The following PHRF1 variants were observed in gnomAD, a reference collection of about 807,000 sequenced individuals.
The protein encoded by PHRF1 is PHD and ring finger domains 1, also known as PHD and RING finger domain-containing protein 1.
In PHRF1, 53 loss-of-function variants were observed where a neutral mutation model predicts 128.9. That is an observed-to-expected ratio of 0.41 (90% CI 0.33 to 0.52). The LOEUF is 0.52. Ranked by LOEUF, PHRF1 falls within the 20% of genes least tolerant of loss-of-function variation. PHRF1 has a pLI of 0.21. For missense variants in PHRF1, 2,503 were observed against 2,284.5 expected (o/e 1.10, Z -1.95); for synonymous variants, 1,178 against 980.6 (o/e 1.20, Z -3.76).
At position 610,635 on chromosome 11, in the gene PHRF1, C is replaced by G. The variant is rs774430101; in HGVS notation, c.4551C>G (p.Thr1517=). ...LPLVGCGAAQ[T]LAPVPAALTP... is the part of the protein sequence containing the mutation. Reference sequence around the variant, plus strand: ...TAGTGGGCTGTGGGGCAGCACAGACCCTGGCCCCAGTGCCCGCTGCCCTGA... The same window carrying G: ...TAGTGGGCTGTGGGGCAGCACAGACGCTGGCCCCAGTGCCCGCTGCCCTGA... Residue 1517 remains threonine, a synonymous_variant, in exon 16 of 18, where the codon ACC becomes ACG. Coordinates refer to ENST00000264555, the MANE Select transcript of PHRF1 (RefSeq NM_001286581.2). 21 of 1,605,340 alleles carry G rather than the reference C, an allele frequency of 1.3e-5. No homozygotes were observed. In the African/African-American group the frequency reaches 2.8e-4, roughly 21 times the overall value.
At position 608,711 on chromosome 11, in the gene PHRF1, C is replaced by G. The variant is rs1350388567; in HGVS notation, c.3255C>G (p.Ser1085Arg). 1 of 1,610,344 alleles carries G rather than the reference C, an allele frequency of 6.2e-7. No individual in the cohort carries two copies. The highest frequency in any genetic ancestry group is 2.2e-5 in the East Asian group (1 of 44,806). ...REHRRGPWGH[S>R]RRTSRSRSGS... ...ACAGGCGGGGCCCCTGGGGCCACAG[C>G]CGGAGGACGTCCCGGTCGCGGTCGG... The change falls in exon 14 of 18, where the codon AGC becomes AGG. Residue 1085 changes from serine (S) to arginine (R), a missense_variant. Transcript: ENST00000264555.
intron 2 of PHRF1, among the ~76,000 whole-genome samples, 168 bp downstream of exon 2, chr11:581,774 A>G (rs1438407807): frequency 6.6e-6 from 1 of 152,258 alleles, no homozygotes; most frequent in Non-Finnish European, 1.5e-5. Context: ...TTTTTAATGC[A>G]AACAACACAA....
chr11:584,822 C>T lies in PHRF1; in HGVS notation c.215-2437C>T, dbSNP rs193201055. 1.7e-4 allele frequency among the ~76,000 whole-genome samples: 25 copies of T among 148,450 alleles called. No homozygotes were observed. In the Admixed American group the frequency reaches 1.7e-3, roughly 10 times the overall value. On this transcript the variant is annotated intron_variant, in intron 3 of 17. Transcript: ENST00000264555. ...GCGCAATCTCGGCTCACTGCAGCCT[C>T]TGCCTCCCGGGTTCAAGCGATTCTC...
At position 605,336 on chromosome 11, in the gene PHRF1, G is replaced by A. The variant is rs762565784; in HGVS notation, c.1334+36G>A. 15 of 1,602,640 alleles carry A rather than the reference G, an allele frequency of 9.4e-6. No individual in the cohort carries two copies. In the Admixed American group the frequency reaches 1.3e-4, roughly 14 times the overall value. Reference sequence around the variant, plus strand: ...TGGTGATGGTCCTGCCTGGGCACCCGCTCCTCTCCCTGGGGGCTGTGGGCA... The same window carrying A: ...TGGTGATGGTCCTGCCTGGGCACCCACTCCTCTCCCTGGGGGCTGTGGGCA... On this transcript the variant is annotated intron_variant, in intron 11 of 17. Coordinates refer to ENST00000264555, the MANE Select transcript of PHRF1 (RefSeq NM_001286581.2).
At chr11:603,929 C>G (rs1037466252) in intron 10 of PHRF1, among the ~76,000 whole-genome samples, 5 of 151,718 alleles carry the variant, frequency 3.3e-5, no homozygotes, top group Non-Finnish European at 7.4e-5. Context: ...TCTTGAACTC[C>G]CGACCTCAAG....
intron 6 of PHRF1, among the ~76,000 whole-genome samples, chr11:595,246 C>T (rs2132972018): frequency 6.6e-6 from 1 of 152,304 alleles, no homozygotes; most frequent in African/African-American, 2.4e-5. Context: ...TACCTTGAAC[C>T]TGGGAGGCGG....
intron 3 of PHRF1, among the ~76,000 whole-genome samples, chr11:583,116 G>T (rs922329440): frequency 6.6e-6 from 1 of 151,690 alleles, no homozygotes; most frequent in Non-Finnish European, 1.5e-5. Flanking sequence ...CGAGGCGGGC[G>T]GATCAGGAGG....
chr11:581,648 C>T, intron 2 of PHRF1, 42 bp downstream of exon 2: 1 of 1,553,154 alleles, frequency 6.4e-7, no homozygotes, highest in Non-Finnish European at 8.8e-7. Flanking sequence ...CCAGGAGGAG[C>T]AGGGTGCCTG....
intron 16 of PHRF1, 74 bp from the exon 17 acceptor site, chr11:610,880 C>T (rs1028324441): frequency 6.3e-7 from 1 of 1,591,016 alleles, no homozygotes. Context: ...CAAGGGTGTC[C>T]AGAACCACAG....
At chr11:606,660 G>A (rs1411009685) in intron 13 of PHRF1, 64 bp downstream of exon 13, 3 of 1,519,560 alleles carry the variant, frequency 2.0e-6, no homozygotes, top group East Asian at 2.3e-5. Context: ...CTGTTCGCAA[G>A]CACTCAGCCC....
rs768792432 is a variant in PHRF1, at chr11:608,212, G to C, written c.2756G>C (p.Arg919Pro). The C allele has an allele frequency of 6.2e-7, 1 of 1,609,466 alleles. No homozygotes were observed. Among genetic ancestry groups the C allele is most frequent in the South Asian group, 1.1e-5 (1 of 91,072 alleles). Reference protein sequence around the residue: ...VAAEGASDTEREEPTESQGLA... With the variant: ...VAAEGASDTEPEEPTESQGLA... ...GCCGAGGGGGCCTCTGACACGGAGC[G>C]AGAGGAGCCCACAGAGAGCCAGGGC... The change falls in exon 14 of 18, where the codon CGA (arginine) becomes CCA (proline). Residue 919 changes from arginine to proline, a missense_variant. Arg to Pro is a moderately radical substitution (Grantham distance 103). Transcript: ENST00000264555.
intron 6 of PHRF1, among the ~76,000 whole-genome samples, chr11:596,126 G>T (rs1034963627): frequency 3.9e-5 from 6 of 152,114 alleles, no homozygotes; most frequent in Non-Finnish European, 8.8e-5. Flanking sequence ...TTGAATTCAG[G>T]CTCAATTTTC....
At chr11:588,705 AT>A (rs1483837498) in intron 4 of PHRF1, among the ~76,000 whole-genome samples, 1 of 150,812 alleles carries the variant, frequency 6.6e-6, no homozygotes, top group African/African-American at 2.4e-5. Context: ...TTTTTTGTAG[AT>A]TTTTCTTTTG....
intron 3 of PHRF1, among the ~76,000 whole-genome samples, chr11:582,507 T>C (rs1854265987): frequency 6.6e-6 from 1 of 151,982 alleles, no homozygotes; most frequent in South Asian, 2.1e-4. Flanking sequence ...AGTGAGCCGC[T>C]GTGCCTGGCC....
chr11:601,789 C>G (rs772374276), intron 10 of PHRF1, 88 bp downstream of exon 10: 7 of 1,539,460 alleles, frequency 4.5e-6, no homozygotes, highest in African/African-American at 2.8e-5. Flanking sequence ...TCCCGCTGGC[C>G]TTGGCACCCT....
At chr11:580,730 G>A (rs1763374988) in intron 1 of PHRF1, among the ~76,000 whole-genome samples, 1 of 152,122 alleles carries the variant, frequency 6.6e-6, no homozygotes, top group South Asian at 2.1e-4. Context: ...CTCTTATTGC[G>A]CAGGCTGGAG....
In PHRF1 at chr11:609,480, C is replaced by A; in HGVS notation, c.4024C>A (p.Gln1342Lys). 6.2e-7 allele frequency: 1 copy of A among 1,605,226 alleles called. No individual in the cohort carries two copies. Among genetic ancestry groups the A allele is most frequent in the East Asian group, 2.2e-5 (1 of 44,832 alleles). The change falls in exon 14 of 18, where the codon CAG becomes AAG. Residue 1342 changes from glutamine (Q) to lysine (K), a missense_variant. Transcript: ENST00000264555. ...SQPPPLPEGT[Q>K]EPHLLRPDAA... The stretch of plus-strand genomic sequence containing the variant: ...GCCCCCACCCCTGCCAGAGGGCACC[C>A]AGGAGCCACATTTGCTCAGGCCGGA...
At chr11:605,972 T>C (rs1409477322) in intron 12 of PHRF1, among the ~76,000 whole-genome samples, 1 of 151,958 alleles carries the variant, frequency 6.6e-6, no homozygotes, top group African/African-American at 2.4e-5. Flanking sequence ...GTGGCCCCTC[T>C]GCCCCCCACC....
intron 6 of PHRF1, among the ~76,000 whole-genome samples, chr11:596,192 TGTCTGGG>T (rs1855264865): frequency 6.6e-6 from 1 of 152,228 alleles, no homozygotes; most frequent in African/African-American, 2.4e-5. Flanking sequence ...TACTCAGGGC[TGTCTGGG>T]GTCTTTGGGA....
Sources: allele counts gnomAD v4.1 joint callset (sites outside exome capture counted in the v4.1 genomes callset), GRCh38; gene constraint gnomAD v4.1.1; transcripts MANE v1.5; gene names NCBI Gene and HGNC (gene_info 2026-07-23, HGNC 2026-07-21).